Variants in CLEC16A observed in about 807,000 individuals in gnomAD.
CLEC16A encodes the protein C-type lectin domain containing 16A.
CLEC16A carries 51 observed loss-of-function variants against 109.5 expected under a neutral mutation model. The observed-to-expected ratio is 0.47, with a 90% CI of 0.37 to 0.59. The LOEUF (loss-of-function observed/expected upper bound fraction) is 0.59, where lower values mean the gene tolerates loss of function less well. Among genes scored for constraint, CLEC16A ranks in the 20% least tolerant of loss-of-function variants. CLEC16A has a pLI of 0.00. For synonymous variants in CLEC16A, 673 were observed against 564.2 expected, an observed-to-expected ratio of 1.19 and a Z score of -2.73; for missense variants, 1,339 against 1,394.0, an observed-to-expected ratio of 0.96 and a Z score of 0.63.
At chr16:11,093,462 C>T (rs1000954381) in intron 19 of CLEC16A, among the ~76,000 whole-genome samples, 4 of 152,142 alleles carry the variant, frequency 2.6e-5, no homozygotes, top group Non-Finnish European at 1.5e-5. Context: ...GTGTACAGGC[C>T]GGGAGCATGC....
chr16:11,152,136 G>A (rs1269938332), intron 22 of CLEC16A, among the ~76,000 whole-genome samples: 1 of 152,176 alleles, frequency 6.6e-6, no homozygotes, highest in East Asian at 1.9e-4. Context: ...CAAGATGCGC[G>A]GAAGGATAAA....
At chr16:10,966,204 A>G (rs1327394279) in intron 3 of CLEC16A, among the ~76,000 whole-genome samples, 1 of 152,250 alleles carries the variant, frequency 6.6e-6, no homozygotes, top group South Asian at 2.1e-4. Flanking sequence ...GCAAAAAAGA[A>G]AAGAAAAAGG....
At chr16:10,958,314 G>A (rs2042087540) in intron 2 of CLEC16A, among the ~76,000 whole-genome samples, 1 of 152,190 alleles carries the variant, frequency 6.6e-6, no homozygotes, top group African/African-American at 2.4e-5. Flanking sequence ...AGCTCCTGAT[G>A]AGATGGTCCA....
chr16:11,092,596 T>A (rs1434763777), intron 19 of CLEC16A, among the ~76,000 whole-genome samples: 1 of 152,218 alleles, frequency 6.6e-6, no homozygotes, highest in Non-Finnish European at 1.5e-5. Flanking sequence ...TGCAGGCATT[T>A]CCAGCATTTC....
intron 18 of CLEC16A, among the ~76,000 whole-genome samples, chr16:11,057,209 G>A (rs1202942997): frequency 6.6e-6 from 1 of 152,202 alleles, no homozygotes. Flanking sequence ...CCTCTTTTAA[G>A]AATGACTGAC....
chr16:11,155,524 A>T (rs1280584525), intron 22 of CLEC16A, among the ~76,000 whole-genome samples: 3 of 152,228 alleles, frequency 2.0e-5, no homozygotes, highest in Non-Finnish European at 1.5e-5. Flanking sequence ...GGCAGACGTC[A>T]ACAGAGCCCT....
intron 19 of CLEC16A, among the ~76,000 whole-genome samples, chr16:11,064,473 C>G (rs775146766): frequency 3.3e-5 from 5 of 152,186 alleles, no homozygotes; most frequent in African/African-American, 1.2e-4. Context: ...GCTCAGTAGC[C>G]TTACCTTTGA....
chr16:10,962,622 G>C, intron 3 of CLEC16A, 34 bp downstream of exon 3: 1 of 1,607,922 alleles, frequency 6.2e-7, no homozygotes. Context: ...CCTCTGTGCT[G>C]CTGTGCATGT....
intron 22 of CLEC16A, among the ~76,000 whole-genome samples, chr16:11,152,166 G>A (rs1303425798): frequency 1.3e-5 from 2 of 152,196 alleles, no homozygotes; most frequent in South Asian, 2.1e-4. Flanking sequence ...CATTTCAGGG[G>A]AAAACATCGA....
chr16:11,138,087 A>AT (rs1379850439), intron 22 of CLEC16A, among the ~76,000 whole-genome samples: 2 of 152,130 alleles, frequency 1.3e-5, no homozygotes, highest in East Asian at 1.9e-4. Context: ...AAGAATTGGC[A>AT]TTTTTTAAAG....
At chr16:11,141,676 G>A (rs917670089) in intron 22 of CLEC16A, among the ~76,000 whole-genome samples, 2 of 152,266 alleles carry the variant, frequency 1.3e-5, no homozygotes, top group Non-Finnish European at 2.9e-5. Context: ...GGCCACTGGG[G>A]TCCCACCAGA....
intron 20 of CLEC16A, among the ~76,000 whole-genome samples, chr16:11,121,799 G>C (rs1426094581): frequency 7.2e-6 from 1 of 139,720 alleles, no homozygotes; most frequent in Non-Finnish European, 1.5e-5. Flanking sequence ...AGAATCGCTT[G>C]AACCCAGGAG....
At chr16:10,997,004 C>G (rs1249870002) in intron 10 of CLEC16A, among the ~76,000 whole-genome samples, 1 of 152,226 alleles carries the variant, frequency 6.6e-6, no homozygotes, top group East Asian at 1.9e-4. Context: ...CTGTGTCACC[C>G]AGGCTGGAGT....
chr16:11,029,778 G>A (rs984411630), intron 13 of CLEC16A, among the ~76,000 whole-genome samples: 1 of 152,082 alleles, frequency 6.6e-6, no homozygotes, highest in Non-Finnish European at 1.5e-5. Flanking sequence ...CATATTTAAG[G>A]TGCACAATTT....
At chr16:11,007,704 A>G in intron 11 of CLEC16A, among the ~76,000 whole-genome samples, 1 of 152,214 alleles carries the variant, frequency 6.6e-6, no homozygotes, top group Admixed American at 6.5e-5. Context: ...CCACTTGGGC[A>G]CCAAGCACGT....
chr16:10,970,627 C>A lies in CLEC16A; in HGVS notation c.493-498C>A, dbSNP rs559688414. 3.3e-5 allele frequency among the ~76,000 whole-genome samples: 5 copies of A among 152,316 alleles called. No individual in the cohort carries two copies. The South Asian group carries it at 1.0e-3, about 32-fold the overall frequency. On this transcript the variant is annotated intron_variant, in intron 4 of 23. Transcript: ENST00000409790. ...CACATTGCCCAGGCTGGTCTCAAAACTCCTGACCTCAAGCAATCCCCCCTC... is the reference window on the plus strand; with the variant it reads ...CACATTGCCCAGGCTGGTCTCAAAAATCCTGACCTCAAGCAATCCCCCCTC...
intron 10 of CLEC16A, among the ~76,000 whole-genome samples, chr16:11,000,448 A>T (rs146527158): frequency 6.6e-6 from 1 of 152,172 alleles, no homozygotes; most frequent in South Asian, 2.1e-4. Context: ...GAAAGCTTTG[A>T]TTGCTGTGTG....
intron 23 of CLEC16A, among the ~76,000 whole-genome samples, chr16:11,172,216 T>G (rs1410828820): frequency 1.3e-5 from 2 of 151,982 alleles, no homozygotes; most frequent in Non-Finnish European, 1.5e-5. Context: ...ACAGCCACAT[T>G]CACATACATG....
intron 5 of CLEC16A, among the ~76,000 whole-genome samples, chr16:10,971,873 C>A (rs746646964): frequency 5.9e-5 from 9 of 152,226 alleles, no homozygotes; most frequent in Non-Finnish European, 8.8e-5. Flanking sequence ...GGGTTATTTT[C>A]CCCGGAGTCA....
Sources: allele counts gnomAD v4.1 joint callset (sites outside exome capture counted in the v4.1 genomes callset), GRCh38; gene constraint gnomAD v4.1.1; transcripts MANE v1.5; gene names NCBI Gene and HGNC (gene_info 2026-07-23, HGNC 2026-07-21).